Variants in CAST observed in about 807,000 individuals in gnomAD.
CAST encodes MIR583 host.
In CAST, 76 loss-of-function variants were observed where a neutral mutation model predicts 119.6. The ratio of observed to expected loss-of-function variants is 0.64; its 90% CI spans 0.53 to 0.77. The LOEUF (loss-of-function observed/expected upper bound fraction) is 0.77, where lower values mean the gene tolerates loss of function less well. Ranked by LOEUF, CAST falls within the 30% of genes least tolerant of loss-of-function variation. The pLI is 0.00. For synonymous variants in CAST, 319 were observed against 331.6 expected, an observed-to-expected ratio of 0.96 and a Z score of 0.41; for missense variants, 953 against 946.5, an observed-to-expected ratio of 1.01 and a Z score of -0.09.
the CAST span, among the ~76,000 whole-genome samples, chr5:96,504,316 A>G: frequency 6.6e-6 from 1 of 152,080 alleles, no homozygotes; most frequent in Non-Finnish European, 1.5e-5. Flanking sequence ...TTTCCCATAC[A>G]CGATGGCAGT....
the CAST span, among the ~76,000 whole-genome samples, chr5:96,277,332 C>A: frequency 6.6e-5 from 10 of 151,998 alleles, no homozygotes; most frequent in African/African-American, 2.2e-4. Context: ...TCCCCACTTT[C>A]TTTCCAGCCA....
chr5:96,162,399 C>T, the CAST span, among the ~76,000 whole-genome samples: 12 of 151,954 alleles, frequency 7.9e-5, no homozygotes, highest in African/African-American at 2.2e-4. Flanking sequence ...TCTACTAGCA[C>T]GGGATGGTAT....
chr5:96,565,710 C>T (rs261224), intron 1 of CAST, among the ~76,000 whole-genome samples: 122,796 of 152,138 alleles, frequency 0.81, 49,708 homozygotes, highest in East Asian at 1. Context: ...TAAGGCAGCC[C>T]GCCAGGCTAG....
chr5:96,274,677 G>T, the CAST span, among the ~76,000 whole-genome samples: 1 of 152,344 alleles, frequency 6.6e-6, no homozygotes, highest in Admixed American at 6.5e-5. Context: ...AAGAGAGGAA[G>T]ATAACTGATT....
the CAST span, chr5:96,392,679 T>A: frequency 7.9e-6 from 2 of 254,000 alleles, no homozygotes; most frequent in African/African-American, 4.5e-5. Flanking sequence ...CCTTTTCTTT[T>A]GAGAATTGAA....
the CAST span, chr5:96,432,175 G>C: frequency 6.6e-7 from 1 of 1,524,032 alleles, no homozygotes; most frequent in Non-Finnish European, 8.8e-7. Flanking sequence ...AAGTTATGAA[G>C]CTTGGACTTT....
At chr5:96,184,999 A>G in the CAST span, among the ~76,000 whole-genome samples, 4 of 152,112 alleles carry the variant, frequency 2.6e-5, no homozygotes, top group African/African-American at 9.7e-5. Context: ...CTTTTTCTCC[A>G]CAACCTCACC....
At chr5:96,302,096 C>T in the CAST span, among the ~76,000 whole-genome samples, 1 of 152,236 alleles carries the variant, frequency 6.6e-6, no homozygotes, top group Non-Finnish European at 1.5e-5. Context: ...CAAGCCTCAA[C>T]TCTTGCCCTT....
the CAST span, among the ~76,000 whole-genome samples, chr5:96,370,284 A>C: frequency 4.5e-4 from 69 of 152,196 alleles, 2 homozygotes; most frequent in South Asian, 1.9e-3. Context: ...TGTATGTACC[A>C]GGCACTGTTA....
chr5:95,984,091 A>T, the CAST span, among the ~76,000 whole-genome samples: 2 of 152,208 alleles, frequency 1.3e-5, no homozygotes, highest in South Asian at 4.1e-4. Flanking sequence ...AAATTAAACC[A>T]TCAAGGCAGG....
At chr5:96,313,133 C>T in the CAST span, among the ~76,000 whole-genome samples, 2 of 152,042 alleles carry the variant, frequency 1.3e-5, no homozygotes, top group African/African-American at 4.8e-5. Flanking sequence ...AACAAAAAAT[C>T]AAGATACTGC....
chr5:96,570,727 GA>G (rs1746553562), intron 1 of CAST, among the ~76,000 whole-genome samples: 1 of 152,116 alleles, frequency 6.6e-6, no homozygotes, highest in Non-Finnish European at 1.5e-5. Context: ...ACTACTTTAG[GA>G]AAAATATTAA....
chr5:96,584,823 A>G (rs933094739), intron 1 of CAST: 3 of 152,304 alleles, frequency 2.0e-5, no homozygotes, highest in Non-Finnish European at 2.9e-5. Flanking sequence ...CAAGGGAGAA[A>G]AACAACTGGA....
the CAST span, among the ~76,000 whole-genome samples, chr5:96,251,400 G>T: frequency 3.3e-5 from 5 of 152,132 alleles, no homozygotes; most frequent in Non-Finnish European, 7.4e-5. Flanking sequence ...TCGCTGGGAA[G>T]CATAGCACCT....
the CAST span, among the ~76,000 whole-genome samples, chr5:96,085,366 CT>C: frequency 6.6e-6 from 1 of 152,160 alleles, no homozygotes; most frequent in African/African-American, 2.4e-5. Context: ...AATGAACTGC[CT>C]GAGGACTCAG....
intron 25 of CAST, chr5:96,763,004 A>C (rs1264814646): frequency 1.6e-6 from 1 of 644,888 alleles, no homozygotes; most frequent in East Asian, 2.7e-5. Context: ...CAAATTATAC[A>C]TTACCAAGGA....
At chr5:96,503,584 G>C in the CAST span, among the ~76,000 whole-genome samples, 3 of 152,242 alleles carry the variant, frequency 2.0e-5, no homozygotes, top group Non-Finnish European at 4.4e-5. Flanking sequence ...TTCTATTCCA[G>C]CAACCAAAGA....
chr5:96,173,887 G>A, the CAST span, among the ~76,000 whole-genome samples: 1 of 151,790 alleles, frequency 6.6e-6, no homozygotes, highest in Non-Finnish European at 1.5e-5. Context: ...ACTAGGTGGC[G>A]CCCGCCACCA....
At chr5:96,317,599 A>C in the CAST span, among the ~76,000 whole-genome samples, 1 of 151,672 alleles carries the variant, frequency 6.6e-6, no homozygotes, top group Non-Finnish European at 1.5e-5. Flanking sequence ...AATATGTATG[A>C]TGATCATAAT....
Sources: allele counts gnomAD v4.1 joint callset (sites outside exome capture counted in the v4.1 genomes callset), GRCh38; gene constraint gnomAD v4.1.1; transcripts MANE v1.5; gene names NCBI Gene and HGNC (gene_info 2026-07-23, HGNC 2026-07-21).